LRP1B: variants seen among roughly 807,000 people sequenced by gnomAD.
LRP1B encodes the protein LDL receptor related protein 1B, also known as low-density lipoprotein receptor-related protein 1B.
In LRP1B, 217 loss-of-function variants were observed where a neutral mutation model predicts 556.6. The observed-to-expected ratio is 0.39, with a 90% CI of 0.35 to 0.44. The LOEUF (loss-of-function observed/expected upper bound fraction) is 0.44. Ranked by LOEUF, LRP1B falls within the 20% of genes least tolerant of loss-of-function variation. The pLI is 1.00. For missense variants in LRP1B, 5,053 were observed against 5,620.8 expected, an observed-to-expected ratio of 0.90 and a Z score of 3.23; for synonymous variants, 2,047 against 1,865.8, an observed-to-expected ratio of 1.10 and a Z score of -2.50.
intron 2 of LRP1B, among the ~76,000 whole-genome samples, chr2:141,519,404 A>ATATATATAT (rs1559118212): frequency 1.1e-3 from 10 of 9,370 alleles, no homozygotes; most frequent in Admixed American, 4.3e-3. Flanking sequence ...TATATATATG[A>ATATATATAT]AATGCAATAT....
intron 1 of LRP1B, among the ~76,000 whole-genome samples, chr2:141,945,644 G>T (rs916605999): frequency 2.0e-5 from 3 of 151,468 alleles, no homozygotes; most frequent in Non-Finnish European, 4.4e-5. Flanking sequence ...GTTTATTCTT[G>T]ATTATAATGC....
In LRP1B at chr2:140,534,143, T is replaced by C; in HGVS notation, c.7643-3A>G. 6.2e-7 allele frequency: 1 copy of C among 1,609,314 alleles called. No homozygotes were observed. The highest frequency in any genetic ancestry group is 8.5e-7 in the Non-Finnish European group (1 of 1,177,894). The stretch of plus-strand genomic sequence containing the variant: ...GCCTCTTCGACAGCTTCTGTTTTCT[T>C]ATAAATAAAAGTAGAAACACACAAC... On this transcript the variant is annotated splice_polypyrimidine_tract_variant and splice_region_variant and intron_variant, in intron 46 of 90. Coordinates refer to ENST00000389484, the MANE Select transcript of LRP1B (RefSeq NM_018557.3).
At chr2:141,417,800 A>G (rs964983190) in intron 3 of LRP1B, among the ~76,000 whole-genome samples, 2 of 140,906 alleles carry the variant, frequency 1.4e-5, no homozygotes, top group African/African-American at 2.6e-5. Context: ...ACTGTTTTAG[A>G]TAGGAGCTGA....
In LRP1B at chr2:142,086,645, A is replaced by AACAAAC. The variant is rs1559063426; in HGVS notation, c.82+44002_82+44003insGTTTGT. On this transcript the variant is annotated intron_variant, in intron 1 of 90. Coordinates refer to ENST00000389484, the MANE Select transcript of LRP1B (RefSeq NM_018557.3). Reference sequence around the variant, plus strand: ...CAAACAAACAAACAAACAAACAAAAAAAAAACACAACTTGTCTCCAGCAGC... The same window carrying AACAAAC: ...CAAACAAACAAACAAACAAACAAAAAACAAACAAAAACACAACTTGTCTCCAGCAGC... Among the ~76,000 whole-genome samples the AACAAAC allele has an allele frequency of 1.9e-3, 286 of 152,010 alleles. 3 individuals are homozygous for AACAAAC. Among genetic ancestry groups the AACAAAC allele is most frequent in the African/African-American group, 6.4e-3 (267 of 41,452 alleles).
chr2:140,946,684 C>A (rs113662622), intron 20 of LRP1B, among the ~76,000 whole-genome samples: 278 of 152,098 alleles, frequency 1.8e-3, no homozygotes, highest in African/African-American at 6.3e-3. Flanking sequence ...CGGTATATAC[C>A]AAAAGGAAAA....
chr2:140,753,023 T>C (rs1249437084), intron 35 of LRP1B, among the ~76,000 whole-genome samples: 3 of 152,162 alleles, frequency 2.0e-5, no homozygotes, highest in Non-Finnish European at 4.4e-5. Flanking sequence ...TCCTCTATGC[T>C]CCATCTATTA....
At chr2:141,192,638 T>C (rs2105204571) in intron 6 of LRP1B, among the ~76,000 whole-genome samples, 1 of 152,004 alleles carries the variant, frequency 6.6e-6, no homozygotes. Context: ...GCTCTCATTG[T>C]TCCTTTGAAG....
intron 18 of LRP1B, among the ~76,000 whole-genome samples, chr2:140,956,292 A>G (rs1695870124): frequency 6.6e-6 from 1 of 151,782 alleles, no homozygotes; most frequent in Non-Finnish European, 1.5e-5. Context: ...AAGTTTGAAT[A>G]CAACACTCTG....
chr2:141,933,249 C>T (rs1234278091), intron 1 of LRP1B, among the ~76,000 whole-genome samples: 1 of 151,632 alleles, frequency 6.6e-6, no homozygotes, highest in Non-Finnish European at 1.5e-5. Context: ...AAAATTGTTG[C>T]AAAGAGATTA....
intron 8 of LRP1B, among the ~76,000 whole-genome samples, chr2:141,060,596 C>A (rs544476372): frequency 1.3e-5 from 2 of 151,816 alleles, no homozygotes; most frequent in Admixed American, 1.3e-4. Flanking sequence ...GATGGGATAT[C>A]AACATTGTTG....
chr2:141,424,148 T>C (rs1229269471), intron 3 of LRP1B, among the ~76,000 whole-genome samples: 3 of 149,452 alleles, frequency 2.0e-5, no homozygotes, highest in Non-Finnish European at 4.4e-5. Flanking sequence ...GGTGTCACTC[T>C]TGTTGCCTGG....
chr2:141,434,190 C>A (rs749495237), intron 3 of LRP1B, among the ~76,000 whole-genome samples: 1 of 152,142 alleles, frequency 6.6e-6, no homozygotes, highest in Non-Finnish European at 1.5e-5. Flanking sequence ...CTGTCCCTTT[C>A]TCTTTTGCCT....
intron 35 of LRP1B, among the ~76,000 whole-genome samples, chr2:140,752,887 C>T (rs1442504052): frequency 6.6e-6 from 1 of 152,026 alleles, no homozygotes; most frequent in Admixed American, 6.6e-5. Context: ...CACATTGTCA[C>T]CTAAAGTCCA....
rs1689560560 is a variant in LRP1B at position 141,646,269 on chromosome 2, A to G, written c.205+164010T>C. 4.6e-5 allele frequency among the ~76,000 whole-genome samples: 7 copies of G among 152,188 alleles called. No homozygotes were observed. In the South Asian group the frequency reaches 1.4e-3, roughly 31 times the overall value. On this transcript the variant is annotated intron_variant, in intron 2 of 90. Coordinates refer to ENST00000389484, the MANE Select transcript of LRP1B (RefSeq NM_018557.3). The stretch of plus-strand genomic sequence containing the variant: ...GTATGTATGTATATGTGTGCATTTG[A>G]AAACCAAATGTATATAGTGTAGAGA...
At chr2:141,963,618 C>T (rs553991840) in intron 1 of LRP1B, among the ~76,000 whole-genome samples, 161 of 151,730 alleles carry the variant, frequency 1.1e-3, no homozygotes, top group Admixed American at 1.4e-3. Flanking sequence ...CTATCTATGA[C>T]AAACCCACAG....
At chr2:142,029,868 C>G (rs895166899) in intron 1 of LRP1B, among the ~76,000 whole-genome samples, 5 of 151,170 alleles carry the variant, frequency 3.3e-5, no homozygotes, top group African/African-American at 1.2e-4. Context: ...CTACCTGATG[C>G]AATTAATTTC....
rs1422001106 is a variant in LRP1B at position 140,935,418 on chromosome 2, A to C, written c.3137-12271T>G. 2.0e-5 allele frequency among the ~76,000 whole-genome samples: 3 copies of C among 152,156 alleles called. No individual in the cohort carries two copies. In the South Asian group the frequency reaches 6.2e-4, roughly 31 times the overall value. Reference sequence around the variant, plus strand: ...AATGAAAAATTCACTAAAGAGATTCAAAGGCAGATTTGAGCTGGAAGAAGA... The same window carrying C: ...AATGAAAAATTCACTAAAGAGATTCCAAGGCAGATTTGAGCTGGAAGAAGA... On this transcript the variant is annotated intron_variant, in intron 20 of 90. Transcript: ENST00000389484.
At chr2:140,530,752 C>A (rs1409362222) in intron 47 of LRP1B, among the ~76,000 whole-genome samples, 1 of 152,070 alleles carries the variant, frequency 6.6e-6, no homozygotes, top group African/African-American at 2.4e-5. Flanking sequence ...AGCTTTAAGG[C>A]ATAAGTTTTG....
chr2:140,872,790 T>A (rs1336476735), intron 25 of LRP1B, among the ~76,000 whole-genome samples: 1 of 152,060 alleles, frequency 6.6e-6, no homozygotes, highest in African/African-American at 2.4e-5. Flanking sequence ...TTAAGGCTAT[T>A]TAGCTGACAA....
Sources: gnomAD v4.1 joint callset for allele counts (sites outside exome capture counted in the v4.1 genomes callset) on GRCh38, gnomAD v4.1.1 for gene constraint, MANE v1.5 for transcripts, NCBI Gene and HGNC (gene_info 2026-07-23, HGNC 2026-07-21) for gene names.